SMG1: variants seen among roughly 807,000 people sequenced by gnomAD.
SMG1 encodes the protein SMG1 nonsense mediated mRNA decay associated PI3K related kinase.
SMG1 carries 22 observed loss-of-function variants against 419.9 expected under a neutral mutation model. That is an observed-to-expected ratio of 0.05 (90% CI 0.04 to 0.07). SMG1 has a LOEUF of 0.07. Ranked by LOEUF, SMG1 falls within the 10% of genes least tolerant of loss-of-function variation. SMG1 has a pLI of 1.00. For missense variants in SMG1, 3,185 were observed against 4,342.0 expected (o/e 0.73, Z 7.49); for synonymous variants, 1,538 against 1,553.5 (o/e 0.99, Z 0.23).
At chr16:18,894,125 T>C (rs1202857666) in intron 3 of SMG1, among the ~76,000 whole-genome samples, 1 of 151,886 alleles carries the variant, frequency 6.6e-6, no homozygotes, top group Non-Finnish European at 1.5e-5. Flanking sequence ...TGGATCCTTT[T>C]GGAGGGTAGG....
intron 29 of SMG1, among the ~76,000 whole-genome samples, chr16:18,855,795 T>C (rs1452808987): frequency 6.6e-6 from 1 of 152,196 alleles, no homozygotes; most frequent in East Asian, 1.9e-4. Context: ...TAATCCATTT[T>C]CCAACTTGCA....
intron 40 of SMG1, 81 bp downstream of exon 40, chr16:18,842,127 C>T (rs1156739691): frequency 1.4e-6 from 2 of 1,434,440 alleles, no homozygotes; most frequent in Non-Finnish European, 9.5e-7. Context: ...AAATAATCTC[C>T]TACTATACAC....
At chr16:18,916,302 T>C (rs975286922) in intron 1 of SMG1, among the ~76,000 whole-genome samples, 25 of 151,012 alleles carry the variant, frequency 1.7e-4, no homozygotes, top group Non-Finnish European at 4.4e-5. Context: ...GATCACGAGG[T>C]CAGGAGATCG....
At position 18,807,085 on chromosome 16, in the gene SMG1, G is replaced by T. The variant is rs1263451877; in HGVS notation, c.*2484C>A. ...AACAAAAGTGATGGATAATTTACCA[G>T]AGGCACATGCTTTTGAAGTAAAGCT... On this transcript the variant is annotated 3_prime_UTR_variant, in exon 63 of 63. Transcript: ENST00000446231. 1 of 152,204 alleles carries T rather than the reference G, an allele frequency of 6.6e-6. No homozygotes were observed. Among genetic ancestry groups the T allele is most frequent in the Non-Finnish European group, 1.5e-5 (1 of 68,038 alleles). The allele number at this position is 152,204 out of a possible 1,614,324, so 9.4% of individuals were successfully genotyped here.
intron 1 of SMG1, among the ~76,000 whole-genome samples, chr16:18,906,864 C>T (rs2037581972): frequency 6.6e-6 from 1 of 152,226 alleles, no homozygotes; most frequent in African/African-American, 2.4e-5. Flanking sequence ...ATCCAAGATA[C>T]AGTTCAGGCC....
chr16:18,923,145 C>A (rs992129550), intron 1 of SMG1, among the ~76,000 whole-genome samples: 1 of 152,088 alleles, frequency 6.6e-6, no homozygotes, highest in Non-Finnish European at 1.5e-5. Context: ...TAAGCCAGTG[C>A]CATATAAATG....
chr16:18,827,690 A>T (rs1273250902), intron 55 of SMG1, among the ~76,000 whole-genome samples: 2 of 143,854 alleles, frequency 1.4e-5, no homozygotes, highest in Admixed American at 1.4e-4. Flanking sequence ...GTATAAATAT[A>T]TCTAAATATA....
Position 18,884,063 on chromosome 16 carries a change from T to C in SMG1, c.1119+7A>G, listed in dbSNP as rs775508780. ...AAATTTTAAGAAACAGCTTTCTATA[T>C]ACTCACCTCAGCATATGCTTCCATG... On this transcript the variant is annotated splice_region_variant and intron_variant, in intron 9 of 62. Coordinates refer to ENST00000446231, the MANE Select transcript of SMG1 (RefSeq NM_015092.5). The C allele has an allele frequency of 3.5e-6, 5 of 1,418,572 alleles. No homozygotes were observed. Among genetic ancestry groups the C allele is most frequent in the Admixed American group, 2.1e-5 (1 of 48,058 alleles). The allele number at this position is 1,418,572 out of a possible 1,614,324, so 87.9% of individuals were successfully genotyped here.
intron 9 of SMG1, among the ~76,000 whole-genome samples, chr16:18,883,640 T>A (rs758956589): frequency 3.1e-4 from 47 of 152,180 alleles, no homozygotes; most frequent in Non-Finnish European, 5.9e-4. Flanking sequence ...AAATATTGAC[T>A]GGGCACGGGG....
intron 1 of SMG1, among the ~76,000 whole-genome samples, chr16:18,919,262 G>T (rs1167046563): frequency 2.6e-5 from 4 of 151,876 alleles, no homozygotes; most frequent in African/African-American, 9.7e-5. Flanking sequence ...AGGAGGCCGA[G>T]GTTGCAGTGA....
At chr16:18,909,909 T>A (rs911004579) in intron 1 of SMG1, among the ~76,000 whole-genome samples, 4 of 152,080 alleles carry the variant, frequency 2.6e-5, no homozygotes, top group Non-Finnish European at 5.9e-5. Flanking sequence ...ACAAACCCTA[T>A]CTTTTTCTTT....
chr16:18,871,401 C>T lies in SMG1; in HGVS notation c.2265G>A (p.Pro755=), dbSNP rs368715822. The change falls in exon 16 of 63, where the codon CCG becomes CCA. Residue 755 remains proline (P), a synonymous_variant. Transcript: ENST00000446231. ...GGCCTTTGCAAAATTTATGGAAAGA[C>T]GGAAGAGAGAATAAAGGTGCGTATG... ...SETYAPLFSL[P]SFHKFCKGLL... The T allele has an allele frequency of 7.7e-5, 122 of 1,590,250 alleles. No homozygotes were observed. The African/African-American group carries it at 1.1e-3, about 14-fold the overall frequency.
chr16:18,847,333 G>T, intron 38 of SMG1, 120 bp downstream of exon 38: 1 of 1,010,250 alleles, frequency 9.9e-7, no homozygotes, highest in South Asian at 1.5e-5. Context: ...ACAATATGGT[G>T]AATGTATTTA....
intron 62 of SMG1, among the ~76,000 whole-genome samples, 197 bp downstream of exon 62, chr16:18,811,564 T>C (rs373650782): frequency 1.8e-4 from 27 of 152,274 alleles, no homozygotes; most frequent in African/African-American, 5.1e-4. Context: ...GAAAGGAAAG[T>C]GCTCATAGGG....
intron 58 of SMG1, chr16:18,815,921 A>G: frequency 2.1e-6 from 1 of 483,004 alleles, no homozygotes; most frequent in Non-Finnish European, 3.7e-6. Context: ...TAGACTATGT[A>G]CAACACTGGA....
intron 1 of SMG1, among the ~76,000 whole-genome samples, chr16:18,919,659 C>CATAT (rs1205606055): frequency 3.7e-4 from 3 of 8,034 alleles, no homozygotes; most frequent in Non-Finnish European, 7.3e-4. Context: ...TGTATATATA[C>CATAT]ACACACACAC....
intron 22 of SMG1, among the ~76,000 whole-genome samples, chr16:18,866,984 G>C (rs1360227974): frequency 6.6e-6 from 1 of 152,090 alleles, no homozygotes; most frequent in Non-Finnish European, 1.5e-5. Flanking sequence ...AGCAGCACAT[G>C]GATGTTTGCA....
At chr16:18,841,874 A>G in intron 40 of SMG1, 80 bp from the exon 41 acceptor site, 1 of 1,206,086 alleles carries the variant, frequency 8.3e-7, no homozygotes, top group Non-Finnish European at 1.2e-6. Flanking sequence ...TTCAACTAGC[A>G]GTGGCAGTCA....
At chr16:18,890,964 C>T in intron 4 of SMG1, 43 bp from the exon 5 acceptor site, 1 of 925,046 alleles carries the variant, frequency 1.1e-6, no homozygotes, top group Admixed American at 1.8e-5. Context: ...AATTCCTATA[C>T]TTTTAAGAAT....
Sources: allele counts gnomAD v4.1 joint callset (sites outside exome capture counted in the v4.1 genomes callset), GRCh38; gene constraint gnomAD v4.1.1; transcripts MANE v1.5; gene names NCBI Gene and HGNC (gene_info 2026-07-23, HGNC 2026-07-21).